The following ZRANB3 variants were observed in gnomAD, a reference collection of about 807,000 sequenced individuals.
ZRANB3 encodes zinc finger RANBP2-type containing 3.
A neutral mutation model predicts 133.8 loss-of-function variants in ZRANB3; 125 were observed. That is an observed-to-expected ratio of 0.93 (90% CI 0.81 to 1.08). ZRANB3 has a LOEUF of 1.08. Among genes scored for constraint, ZRANB3 ranks in the 50% least tolerant of loss-of-function variants. The probability of loss-of-function intolerance (pLI) is 0.00; values close to 1 mark genes in which losing one functional copy is unlikely to be tolerated. For synonymous variants in ZRANB3, 387 were observed against 432.7 expected, an observed-to-expected ratio of 0.89 and a Z score of 1.31; for missense variants, 1,229 against 1,275.5, an observed-to-expected ratio of 0.96 and a Z score of 0.56.
At chr2:135,241,223 T>C (rs1695534740) in intron 12 of ZRANB3, among the ~76,000 whole-genome samples, 1 of 152,114 alleles carries the variant, frequency 6.6e-6, no homozygotes, top group Non-Finnish European at 1.5e-5. Context: ...TCTTACCTTT[T>C]ACTGTAATAT....
intron 8 of ZRANB3, among the ~76,000 whole-genome samples, chr2:135,308,766 G>A (rs1682825428): frequency 6.6e-6 from 1 of 151,322 alleles, no homozygotes; most frequent in Non-Finnish European, 1.5e-5. Flanking sequence ...ATGCCTGAGT[G>A]AACATTCATA....
chr2:135,389,418 G>C (rs1463864230), intron 3 of ZRANB3, among the ~76,000 whole-genome samples: 1 of 152,058 alleles, frequency 6.6e-6, no homozygotes, highest in South Asian at 2.1e-4. Flanking sequence ...CTTAAAAACA[G>C]ACTACAGGCC....
intron 3 of ZRANB3, among the ~76,000 whole-genome samples, chr2:135,354,428 A>G (rs1685340195): frequency 1.3e-5 from 2 of 152,212 alleles, no homozygotes; most frequent in South Asian, 4.1e-4. Context: ...CCACACTGTC[A>G]CAATGCCTGA....
chr2:135,346,534 CCATT>C lies in ZRANB3; in HGVS notation c.592-903_592-900del, dbSNP rs370603884. On this transcript the variant is annotated intron_variant, in intron 5 of 20. Coordinates refer to ENST00000264159, the MANE Select transcript of ZRANB3 (RefSeq NM_032143.4). ...ATCATCTATCTATCCATCCATCCAT[CCATT>C]CATTCATCCATCCATTTGCATTTCT... 1.7e-3 allele frequency among the ~76,000 whole-genome samples: 261 copies of C among 152,128 alleles called. 1 individual carries two copies. The Middle Eastern group carries it at 0.037, about 22-fold the overall frequency.
At chr2:135,239,417 C>CA (rs11409886) in intron 12 of ZRANB3, among the ~76,000 whole-genome samples, 138,857 of 146,790 alleles carry the variant, frequency 0.95, 65,706 homozygotes, top group East Asian at 0.99. Flanking sequence ...TATAAAAAAT[C>CA]AAAAAAAAAA....
intron 3 of ZRANB3, among the ~76,000 whole-genome samples, chr2:135,378,376 C>T (rs1686521418): frequency 1.3e-5 from 2 of 151,734 alleles, no homozygotes; most frequent in African/African-American, 4.8e-5. Flanking sequence ...GCCTGTAATC[C>T]CAACTACTCA....
chr2:135,408,417 C>A (rs1024756148), intron 2 of ZRANB3, among the ~76,000 whole-genome samples: 1 of 152,140 alleles, frequency 6.6e-6, no homozygotes, highest in Non-Finnish European at 1.5e-5. Flanking sequence ...ATCAGCGTGG[C>A]GATTCCTAAG....
intron 2 of ZRANB3, among the ~76,000 whole-genome samples, chr2:135,476,691 C>CTTTTTTTTT (rs774332012): frequency 4.4e-5 from 6 of 135,562 alleles, no homozygotes; most frequent in South Asian, 2.4e-4. Context: ...ATTTCTTTTC[C>CTTTTTTTTT]TTTTTTTTTT....
intron 2 of ZRANB3, among the ~76,000 whole-genome samples, chr2:135,426,379 C>T (rs1259433119): frequency 1.3e-5 from 2 of 152,076 alleles, no homozygotes; most frequent in African/African-American, 4.8e-5. Flanking sequence ...AGAGCCACAA[C>T]AACAACAACA....
chr2:135,497,733 A>G (rs1377727275), intron 2 of ZRANB3, among the ~76,000 whole-genome samples: 1 of 152,220 alleles, frequency 6.6e-6, no homozygotes, highest in Non-Finnish European at 1.5e-5. Context: ...TCAAGTAGAC[A>G]TTCATATGTA....
At chr2:135,263,040 T>A (rs1680039935) in intron 12 of ZRANB3, among the ~76,000 whole-genome samples, 1 of 152,118 alleles carries the variant, frequency 6.6e-6, no homozygotes, top group Non-Finnish European at 1.5e-5. Flanking sequence ...GATCTTTTTA[T>A]AAAATAAAAG....
chr2:135,513,014 G>A (rs537714581), intron 1 of ZRANB3, among the ~76,000 whole-genome samples: 3 of 152,214 alleles, frequency 2.0e-5, no homozygotes, highest in East Asian at 3.9e-4. Context: ...CTCATTGTGT[G>A]AAGCCAGCCT....
intron 8 of ZRANB3, among the ~76,000 whole-genome samples, chr2:135,292,666 T>A (rs1282453218): frequency 6.6e-6 from 1 of 152,244 alleles, no homozygotes; most frequent in Non-Finnish European, 1.5e-5. Context: ...ATGAAGTCCT[T>A]GCCCATGCCT....
At position 135,361,884 on chromosome 2, in the gene ZRANB3, C is replaced by T. The variant is rs181061850; in HGVS notation, c.181-8256G>A. Among the ~76,000 whole-genome samples the T allele has an allele frequency of 2.0e-3, 309 of 152,212 alleles. 1 individual carries two copies. Among genetic ancestry groups the T allele is most frequent in the African/African-American group, 7.2e-3 (301 of 41,536 alleles). ...CCAATAGAGAATTTTAGATGGTACA[C>T]GTGATTATTTGTTCTTAGAATTGTG... On this transcript the variant is annotated intron_variant, in intron 3 of 20. Coordinates refer to ENST00000264159, the MANE Select transcript of ZRANB3 (RefSeq NM_032143.4).
chr2:135,391,324 T>C (rs1375478291), intron 2 of ZRANB3, among the ~76,000 whole-genome samples: 1 of 152,086 alleles, frequency 6.6e-6, no homozygotes, highest in Non-Finnish European at 1.5e-5. Flanking sequence ...CGTGGGAGTG[T>C]TAGAGCTTCA....
intron 2 of ZRANB3, among the ~76,000 whole-genome samples, chr2:135,498,544 T>C (rs937659610): frequency 2.0e-5 from 3 of 152,158 alleles, no homozygotes; most frequent in East Asian, 3.8e-4. Context: ...TTAAACAATA[T>C]GAAATGTGGG....
intron 6 of ZRANB3, among the ~76,000 whole-genome samples, chr2:135,331,619 G>A (rs1480196813): frequency 2.6e-5 from 4 of 151,888 alleles, no homozygotes; most frequent in South Asian, 2.1e-4. Flanking sequence ...CTTCTGTGTC[G>A]CTGATCTGTC....
chr2:135,255,354 G>T (rs1357120048), intron 12 of ZRANB3, among the ~76,000 whole-genome samples: 1 of 152,078 alleles, frequency 6.6e-6, no homozygotes, highest in Non-Finnish European at 1.5e-5. Flanking sequence ...GCATGATGAG[G>T]AAGTTCTCTC....
chr2:135,447,099 C>A (rs1690055660), intron 2 of ZRANB3, among the ~76,000 whole-genome samples: 1 of 152,064 alleles, frequency 6.6e-6, no homozygotes, highest in Non-Finnish European at 1.5e-5. Context: ...GGCTGGAGTG[C>A]AGTGGCACAA....
Sources: allele counts gnomAD v4.1 joint callset (sites outside exome capture counted in the v4.1 genomes callset), GRCh38; gene constraint gnomAD v4.1.1; transcripts MANE v1.5; gene names NCBI Gene and HGNC (gene_info 2026-07-23, HGNC 2026-07-21).